SULT4A1: variants seen among roughly 807,000 people sequenced by gnomAD.
SULT4A1 encodes the protein sulfotransferase 4A1.
SULT4A1 carries 11 observed loss-of-function variants against 35.2 expected under a neutral mutation model. That is an observed-to-expected ratio of 0.31 (90% CI 0.20 to 0.52). The LOEUF (loss-of-function observed/expected upper bound fraction) is 0.52. SULT4A1 is among the 20% of genes least tolerant of loss of function. SULT4A1 has a pLI of 0.97. For missense variants in SULT4A1, 271 were observed against 383.7 expected (o/e 0.71, Z 2.45); for synonymous variants, 152 against 151.8 (o/e 1.00, Z -0.01).
At chr22:43,851,457 A>ACT (rs1316311093) in intron 1 of SULT4A1, among the ~76,000 whole-genome samples, 1 of 151,996 alleles carries the variant, frequency 6.6e-6, no homozygotes, top group African/African-American at 2.4e-5. Context: ...TCTTGAGTCC[A>ACT]CTCACAGGTG....
At chr22:43,853,453 G>A (rs1415108050) in intron 1 of SULT4A1, among the ~76,000 whole-genome samples, 1 of 152,182 alleles carries the variant, frequency 6.6e-6, no homozygotes, top group Non-Finnish European at 1.5e-5. Context: ...CACGTCCACA[G>A]CCAGACCCCT....
At chr22:43,854,645 C>T (rs1005869043) in intron 1 of SULT4A1, among the ~76,000 whole-genome samples, 1 of 152,176 alleles carries the variant, frequency 6.6e-6, no homozygotes, top group Non-Finnish European at 1.5e-5. Context: ...GGAACAGGCC[C>T]AGAAGTGCAG....
chr22:43,845,003 A>G (rs2063463890), intron 1 of SULT4A1, among the ~76,000 whole-genome samples: 1 of 152,068 alleles, frequency 6.6e-6, no homozygotes, highest in African/African-American at 2.4e-5. Flanking sequence ...GTGTGCCGGG[A>G]CCAAAGGTAA....
At chr22:43,831,724 C>G (rs2063327247) in intron 5 of SULT4A1, among the ~76,000 whole-genome samples, 1 of 152,256 alleles carries the variant, frequency 6.6e-6, no homozygotes, top group Non-Finnish European at 1.5e-5. Context: ...CCACACCTGA[C>G]AGGTTCCAAA....
At position 43,826,107 on chromosome 22, in the gene SULT4A1, A is replaced by C. The variant is rs1180774998; in HGVS notation, c.749T>G (p.Val250Gly). ...AEALPVGRGR[V>G]GLWKDIFTVS... Reference sequence around the variant, plus strand: ...GGTGAAGATGTCCTTCCACAGCCCAACTCTTCCTGAAACGCAAACAAGAGA... The same window carrying C: ...GGTGAAGATGTCCTTCCACAGCCCACCTCTTCCTGAAACGCAAACAAGAGA... The change falls in exon 7 of 7, where the codon GTT (valine) becomes GGT (glycine). Residue 250 changes from valine to glycine, a missense_variant. Transcript: ENST00000330884. 1 of 1,613,950 alleles carries C rather than the reference A, an allele frequency of 6.2e-7. No individual in the cohort carries two copies. The highest frequency in any genetic ancestry group is 1.1e-5 in the South Asian group (1 of 91,038).
chr22:43,848,289 G>A (rs2148297780), intron 1 of SULT4A1, among the ~76,000 whole-genome samples: 1 of 152,316 alleles, frequency 6.6e-6, no homozygotes, highest in East Asian at 1.9e-4. Context: ...GAGGCCCAAA[G>A]AGAATCAATA....
At chr22:43,836,397 C>T (rs112576094) in intron 4 of SULT4A1, among the ~76,000 whole-genome samples, 12,400 of 129,692 alleles carry the variant, frequency 0.096, 197 homozygotes, top group South Asian at 0.14. Context: ...GTCTACACAG[C>T]GTCCTCACAC....
intron 1 of SULT4A1, among the ~76,000 whole-genome samples, chr22:43,854,600 C>G (rs2049380655): frequency 6.6e-6 from 1 of 152,226 alleles, no homozygotes; most frequent in African/African-American, 2.4e-5. Context: ...CTTCTGACCT[C>G]AAGCACCTGC....
In SULT4A1 at chr22:43,825,900, G is replaced by T. The variant is rs1223114330; in HGVS notation, c.*101C>A. 3 of 1,201,506 alleles carry T rather than the reference G, an allele frequency of 2.5e-6. No homozygotes were observed. The highest frequency in any genetic ancestry group is 1.5e-5 in the African/African-American group (1 of 65,666). The allele number at this position is 1,201,506 out of a possible 1,614,324, so 74.4% of individuals were successfully genotyped here. ...CCCTTCCCCCGCTGTTTCACACGCT[G>T]CTTCCAGAGTTTGTCCAGCAAGGAA... On this transcript the variant is annotated 3_prime_UTR_variant, in exon 7 of 7. Transcript: ENST00000330884.
intron 5 of SULT4A1, among the ~76,000 whole-genome samples, chr22:43,832,271 TCAGA>T (rs1386176544): frequency 1.3e-5 from 2 of 151,612 alleles, no homozygotes; most frequent in Admixed American, 6.6e-5. Context: ...CCATGTAGAG[TCAGA>T]CAGGCTCACC....
intron 4 of SULT4A1, among the ~76,000 whole-genome samples, chr22:43,837,577 C>T (rs997591869): frequency 1.3e-5 from 2 of 152,148 alleles, no homozygotes; most frequent in African/African-American, 2.4e-5. Context: ...AGGGTGCGGT[C>T]TGGGGCCTCC....
intron 1 of SULT4A1, among the ~76,000 whole-genome samples, chr22:43,843,383 C>G (rs2148292589): frequency 6.6e-6 from 1 of 152,354 alleles, no homozygotes; most frequent in South Asian, 2.1e-4. Context: ...GACTGCACCA[C>G]TGCACTCCAG....
At position 43,824,630 on chromosome 22, in the gene SULT4A1, T is replaced by A. The variant is rs1198068059; in HGVS notation, c.*1371A>T. 6.6e-6 allele frequency: 1 copy of A among 152,144 alleles called. No individual in the cohort carries two copies. Among genetic ancestry groups the A allele is most frequent in the African/African-American group, 2.4e-5 (1 of 41,380 alleles). The allele number at this position is 152,144 out of a possible 1,614,324, so 9.4% of individuals were successfully genotyped here. On this transcript the variant is annotated 3_prime_UTR_variant, in exon 7 of 7. Coordinates refer to ENST00000330884, the MANE Select transcript of SULT4A1 (RefSeq NM_014351.4). ...AAATGAAATTTCACAGAAAGCAGCC[T>A]CCCTCACAGAAACACAGGCAAGGTG...
chr22:43,849,353 G>A (rs937628903), intron 1 of SULT4A1, among the ~76,000 whole-genome samples: 16 of 152,140 alleles, frequency 1.1e-4, no homozygotes, highest in African/African-American at 3.9e-4. Context: ...AAGCCAAAAG[G>A]CCTGATACCA....
chr22:43,856,711 C>T (rs896867982), intron 1 of SULT4A1, among the ~76,000 whole-genome samples: 31 of 152,156 alleles, frequency 2.0e-4, no homozygotes, highest in South Asian at 4.1e-4. Flanking sequence ...CTCCACTGAA[C>T]GCAAGCTAAC....
At chr22:43,858,119 G>A (rs972529547) in intron 1 of SULT4A1, among the ~76,000 whole-genome samples, 1 of 151,438 alleles carries the variant, frequency 6.6e-6, no homozygotes, top group African/African-American at 2.4e-5. Flanking sequence ...GCCAAGCACT[G>A]TGACTCACAC....
chr22:43,833,517 C>G (rs904112159), intron 5 of SULT4A1, 123 bp downstream of exon 5: 1 of 606,122 alleles, frequency 1.6e-6, no homozygotes, highest in Non-Finnish European at 2.9e-6. Flanking sequence ...CCCGCCCCCT[C>G]CTCTGTCCCT....
At chr22:43,836,655 CCA>C (rs1427056342) in intron 4 of SULT4A1, among the ~76,000 whole-genome samples, 2 of 148,458 alleles carry the variant, frequency 1.3e-5, no homozygotes, top group African/African-American at 5.1e-5. Flanking sequence ...ACAGCGTCCT[CCA>C]ACTGCAGGTG....
intron 1 of SULT4A1, 99 bp from the exon 2 acceptor site, chr22:43,842,031 G>T: frequency 6.7e-7 from 1 of 1,481,512 alleles, no homozygotes; most frequent in South Asian, 1.3e-5. Flanking sequence ...GGGCTCAAGA[G>T]CCCCAGGTGG....
Sources: gnomAD v4.1 joint callset for allele counts (sites outside exome capture counted in the v4.1 genomes callset) on GRCh38, gnomAD v4.1.1 for gene constraint, MANE v1.5 for transcripts, NCBI Gene and HGNC (gene_info 2026-07-23, HGNC 2026-07-21) for gene names.